NIPAL2: variants seen among roughly 807,000 people sequenced by gnomAD.
The protein encoded by NIPAL2 is NIPA-like protein 2.
A neutral mutation model predicts 48.9 loss-of-function variants in NIPAL2; 43 were observed. The observed-to-expected ratio is 0.88, with a 90% CI of 0.69 to 1.13. NIPAL2 has a LOEUF of 1.13. Among genes scored for constraint, NIPAL2 ranks in the 50% most tolerant of loss-of-function variants. NIPAL2 has a pLI of 0.00. For missense variants in NIPAL2, 446 were observed against 461.4 expected, an observed-to-expected ratio of 0.97 and a Z score of 0.31; for synonymous variants, 167 against 174.6, an observed-to-expected ratio of 0.96 and a Z score of 0.34.
intron 1 of NIPAL2, among the ~76,000 whole-genome samples, chr8:98,268,852 CAT>C (rs1470152691): frequency 1.3e-5 from 2 of 152,040 alleles, no homozygotes; most frequent in South Asian, 4.1e-4. Flanking sequence ...ACTGCAATAG[CAT>C]TATGTTTAAA....
rs941300633 is a variant in NIPAL2, at chr8:98,216,930, G to A, written c.559-4429C>T. 3.3e-5 allele frequency: 18 copies of A among 548,382 alleles called. No homozygotes were observed. The African/African-American group carries it at 3.5e-4, about 11-fold the overall frequency. 34.0% of individuals were successfully genotyped at this position (548,382 alleles called of 1,614,324 possible). A position where few individuals can be genotyped will look rare whatever the true frequency, so the allele number is the denominator to read the frequency against. ...TGGTCAAATAAGCCTGGGCATGTAG[G>A]ATTAACAAAATCAAATCTTTCTCAT... is the stretch of plus-strand genomic sequence containing the variant. On this transcript the variant is annotated intron_variant, in intron 5 of 10. Transcript: ENST00000430223.
intron 8 of NIPAL2, among the ~76,000 whole-genome samples, chr8:98,198,735 A>G (rs1033440986): frequency 5.9e-5 from 9 of 152,054 alleles, no homozygotes; most frequent in African/African-American, 1.7e-4. Context: ...TTCTTCTGTC[A>G]TTTCTTCACC....
intron 8 of NIPAL2, among the ~76,000 whole-genome samples, chr8:98,199,186 C>T (rs1445894175): frequency 1.3e-5 from 2 of 152,024 alleles, no homozygotes; most frequent in Non-Finnish European, 1.5e-5. Context: ...GAACTCCCAA[C>T]CTCAGGTGAT....
chr8:98,193,234 G>A, intron 10 of NIPAL2, 144 bp from the exon 11 acceptor site: 3 of 1,067,620 alleles, frequency 2.8e-6, no homozygotes, highest in Non-Finnish European at 4.3e-6. Context: ...TGAATATCAA[G>A]GAAGAAAAGG....
chr8:98,289,882 G>C (rs750391135), intron 1 of NIPAL2, among the ~76,000 whole-genome samples: 7 of 152,174 alleles, frequency 4.6e-5, no homozygotes, highest in Non-Finnish European at 1.0e-4. Context: ...GCTACTAGTA[G>C]AAAAGAGATA....
chr8:98,215,961 G>T (rs1226642126), intron 5 of NIPAL2, among the ~76,000 whole-genome samples: 2 of 152,162 alleles, frequency 1.3e-5, no homozygotes, highest in African/African-American at 4.8e-5. Flanking sequence ...AGGGGTGTGT[G>T]GCAAAAGAGA....
chr8:98,210,007 A>C, intron 6 of NIPAL2, among the ~76,000 whole-genome samples: 1 of 152,128 alleles, frequency 6.6e-6, no homozygotes, highest in Non-Finnish European at 1.5e-5. Context: ...ATATCTATCT[A>C]TCATTTCTAT....
chr8:98,268,246 T>C (rs542322421), intron 1 of NIPAL2, among the ~76,000 whole-genome samples: 4 of 152,314 alleles, frequency 2.6e-5, no homozygotes, highest in African/African-American at 9.6e-5. Context: ...ATGATGCATT[T>C]TTTTTGGTAA....
intron 6 of NIPAL2, among the ~76,000 whole-genome samples, chr8:98,211,551 T>C (rs1394083059): frequency 6.6e-6 from 1 of 152,196 alleles, no homozygotes; most frequent in Non-Finnish European, 1.5e-5. Context: ...GGCTGCATAC[T>C]GCCCCAGGGG....
At chr8:98,279,512 A>G (rs1358630160) in intron 1 of NIPAL2, among the ~76,000 whole-genome samples, 1 of 151,756 alleles carries the variant, frequency 6.6e-6, no homozygotes, top group Non-Finnish European at 1.5e-5. Flanking sequence ...TCTTTCTTCT[A>G]CTCCCCCACT....
At chr8:98,204,288 A>T (rs1291281582) in intron 7 of NIPAL2, among the ~76,000 whole-genome samples, 1 of 152,246 alleles carries the variant, frequency 6.6e-6, no homozygotes, top group Non-Finnish European at 1.5e-5. Context: ...AATTCTCCAT[A>T]GACCTTGTAA....
At chr8:98,280,757 T>TAG (rs1225269994) in intron 1 of NIPAL2, among the ~76,000 whole-genome samples, 456 of 29,266 alleles carry the variant, frequency 0.016, 3 homozygotes, top group African/African-American at 0.028. Context: ...TATATATATA[T>TAG]ATATAGAGAG....
chr8:98,248,461 T>A (rs542427585), intron 3 of NIPAL2, among the ~76,000 whole-genome samples: 1 of 152,312 alleles, frequency 6.6e-6, no homozygotes, highest in East Asian at 1.9e-4. Flanking sequence ...GATGTTTGAG[T>A]TTACTCAGTT....
chr8:98,257,898 G>A (rs1176515535), intron 1 of NIPAL2, among the ~76,000 whole-genome samples: 1 of 150,020 alleles, frequency 6.7e-6, no homozygotes, highest in Admixed American at 6.7e-5. Context: ...CTTTCTAGAC[G>A]GAACCAATGC....
chr8:98,252,463 C>T lies in NIPAL2; in HGVS notation c.376G>A (p.Gly126Ser). The change falls in exon 3 of 11, where the codon GGT (glycine) becomes AGT (serine). Residue 126 changes from glycine (G) to serine (S), a missense_variant and splice_region_variant. Gly to Ser is a moderately conservative substitution (Grantham distance 56, BLOSUM62 0). Transcript: ENST00000430223. Reference sequence around the variant, plus strand: ...TTTGTCAAAATACAGAATGGCTTACCTGTAACAGACACACAGCCTAACGGA... The same window carrying T: ...TTTGTCAAAATACAGAATGGCTTACTTGTAACAGACACACAGCCTAACGGA... ...IAPLGCVSVT[G>S]SAIISVTFLK... is the part of the protein sequence containing the mutation. 1.9e-6 allele frequency: 3 copies of T among 1,598,522 alleles called. No individual in the cohort carries two copies. In the Admixed American group the frequency reaches 5.3e-5, roughly 28 times the overall value.
Position 98,236,187 on chromosome 8 carries a change from A to T in NIPAL2, c.404T>A (p.Leu135Gln), listed in dbSNP as rs1812704638. 1 of 1,603,986 alleles carries T rather than the reference A, an allele frequency of 6.2e-7. No homozygotes were observed. The highest frequency in any genetic ancestry group is 1.7e-5 in the Admixed American group (1 of 58,930). The change falls in exon 4 of 11, where the codon CTG becomes CAG. Residue 135 changes from leucine to glutamine, a missense_variant. By Grantham distance (113) the Leu-to-Gln change is moderately radical. Coordinates refer to ENST00000430223, the MANE Select transcript of NIPAL2 (RefSeq NM_001321635.2). ...GTCTGAGGCTCTCAAATTGTCTTTCAGAAATGTAACAGAAATAATGGCACT... is the reference window on the plus strand; with the variant it reads ...GTCTGAGGCTCTCAAATTGTCTTTCTGAAATGTAACAGAAATAATGGCACT... ...TGSAIISVTF[L>Q]KDNLRASDLL...
chr8:98,277,274 A>G (rs1815526900), intron 1 of NIPAL2, among the ~76,000 whole-genome samples: 1 of 151,718 alleles, frequency 6.6e-6, no homozygotes, highest in African/African-American at 2.4e-5. Context: ...CAAGCCTGTA[A>G]TTGCAGGACT....
At chr8:98,215,445 T>C (rs1811526097) in intron 5 of NIPAL2, among the ~76,000 whole-genome samples, 1 of 152,208 alleles carries the variant, frequency 6.6e-6, no homozygotes, top group South Asian at 2.1e-4. Flanking sequence ...AGGAAGAGGC[T>C]GCATTATTGA....
chr8:98,267,838 G>A (rs372698199), intron 1 of NIPAL2, among the ~76,000 whole-genome samples: 123 of 152,200 alleles, frequency 8.1e-4, no homozygotes, highest in African/African-American at 2.8e-3. Flanking sequence ...TAACTTTGAA[G>A]TTTGTTCCCC....
Sources: gnomAD v4.1 joint callset for allele counts (sites outside exome capture counted in the v4.1 genomes callset) on GRCh38, gnomAD v4.1.1 for gene constraint, MANE v1.5 for transcripts, NCBI Gene and HGNC (gene_info 2026-07-23, HGNC 2026-07-21) for gene names.